ABCG2: variants seen among roughly 807,000 people sequenced by gnomAD.
ABCG2 encodes ATP binding cassette subfamily G member 2 (JR blood group).
ABCG2 carries 80 observed loss-of-function variants against 73.5 expected under a neutral mutation model. That is an observed-to-expected ratio of 1.09 (90% CI 0.91 to 1.31). The LOEUF (loss-of-function observed/expected upper bound fraction) is 1.31, where lower values mean the gene tolerates loss of function less well. ABCG2 is among the 50% of genes most tolerant of loss of function. The pLI is 0.00. For synonymous variants in ABCG2, 269 were observed against 282.4 expected, an observed-to-expected ratio of 0.95 and a Z score of 0.48; for missense variants, 796 against 786.2, an observed-to-expected ratio of 1.01 and a Z score of -0.15.
chr4:88,174,373 A>C (rs1006729392), intron 1 of ABCG2, among the ~76,000 whole-genome samples: 11 of 151,944 alleles, frequency 7.2e-5, no homozygotes, highest in Non-Finnish European at 1.5e-4. Context: ...CCCTGTGTCC[A>C]TGTGTTCTCA....
intron 1 of ABCG2, among the ~76,000 whole-genome samples, chr4:88,206,153 T>C (rs1729368155): frequency 6.6e-6 from 1 of 152,176 alleles, no homozygotes; most frequent in Non-Finnish European, 1.5e-5. Flanking sequence ...CTAGTTCTTC[T>C]CCCAACTGAA....
intron 1 of ABCG2, among the ~76,000 whole-genome samples, chr4:88,173,671 C>T (rs986256925): frequency 6.6e-6 from 1 of 152,020 alleles, no homozygotes; most frequent in Admixed American, 6.6e-5. Flanking sequence ...GAAATTTTCT[C>T]AATAGCATGA....
In ABCG2 at chr4:88,097,537, A is replaced by G. The variant is rs1560650822; in HGVS notation, c.1563T>C (p.Ser521=). Residue 521 remains serine (S), a synonymous_variant, in exon 13 of 16, where the codon AGT becomes AGC. Coordinates refer to ENST00000237612, the MANE Select transcript of ABCG2 (RefSeq NM_004827.3). ...FTLMMVAYSA[S]SMALAIAAGQ... ...CTGCTGCTATGGCCAGTGCCATGGA[A>G]CTGGCTGAATAAGCCACCATCATAA... is the stretch of plus-strand genomic sequence containing the variant. The G allele has an allele frequency of 6.2e-7, 1 of 1,614,212 alleles. No individual in the cohort carries two copies.
chr4:88,217,045 T>A (rs1030994651), intron 1 of ABCG2, among the ~76,000 whole-genome samples: 6 of 148,964 alleles, frequency 4.0e-5, no homozygotes, highest in East Asian at 2.0e-4. Context: ...AAAAAAAAAA[T>A]TTTTTTTTTA....
intron 1 of ABCG2, among the ~76,000 whole-genome samples, chr4:88,167,370 C>CTTTTTTTTT: frequency 9.9e-6 from 1 of 101,466 alleles, no homozygotes; most frequent in Non-Finnish European, 1.9e-5. Context: ...TCCCTTCTGC[C>CTTTTTTTTT]TTTTTTTTTT....
intron 1 of ABCG2, among the ~76,000 whole-genome samples, chr4:88,166,688 G>A (rs1265076894): frequency 6.6e-6 from 1 of 152,200 alleles, no homozygotes; most frequent in Admixed American, 6.5e-5. Context: ...TCACAAAGAT[G>A]TGAAGGTAAA....
intron 8 of ABCG2, among the ~76,000 whole-genome samples, chr4:88,114,397 C>T (rs554859532): frequency 4.6e-5 from 7 of 152,154 alleles, no homozygotes; most frequent in African/African-American, 9.6e-5. Flanking sequence ...GAGGCCAAGG[C>T]GGGAGGATCA....
chr4:88,196,661 C>G (rs1410174424), intron 1 of ABCG2, among the ~76,000 whole-genome samples: 1 of 151,826 alleles, frequency 6.6e-6, no homozygotes, highest in Non-Finnish European at 1.5e-5. Flanking sequence ...TCAATTTCTT[C>G]TGATTCATAA....
At chr4:88,148,997 T>C (rs1726251286) in intron 1 of ABCG2, among the ~76,000 whole-genome samples, 1 of 152,198 alleles carries the variant, frequency 6.6e-6, no homozygotes, top group Admixed American at 6.5e-5. Context: ...GGCTACTGTT[T>C]TTTCATTTAC....
At chr4:88,211,312 G>A (rs1729579794) in intron 1 of ABCG2, among the ~76,000 whole-genome samples, 1 of 137,794 alleles carries the variant, frequency 7.3e-6, no homozygotes, top group Non-Finnish European at 1.5e-5. Flanking sequence ...TGTACCCAAT[G>A]TCCAAATAGT....
At chr4:88,129,482 G>A (rs1393432740) in intron 5 of ABCG2, among the ~76,000 whole-genome samples, 2 of 152,060 alleles carry the variant, frequency 1.3e-5, no homozygotes, top group African/African-American at 4.8e-5. Context: ...GCAACATAGG[G>A]CAATGGCTGC....
At chr4:88,135,562 C>T (rs1725187643) in intron 2 of ABCG2, among the ~76,000 whole-genome samples, 1 of 151,164 alleles carries the variant, frequency 6.6e-6, no homozygotes, top group Non-Finnish European at 1.5e-5. Context: ...TCACCACGCC[C>T]GGGCCCTCCA....
chr4:88,135,500 A>C (rs1725176670), intron 2 of ABCG2, among the ~76,000 whole-genome samples: 1 of 151,560 alleles, frequency 6.6e-6, no homozygotes, highest in African/African-American at 2.4e-5. Flanking sequence ...GTCAATGCTC[A>C]CCTCCCTCCC....
intron 1 of ABCG2, among the ~76,000 whole-genome samples, chr4:88,229,209 A>G (rs1369712067): frequency 6.6e-6 from 1 of 152,184 alleles, no homozygotes; most frequent in Admixed American, 6.5e-5. Context: ...GAGACCAAGA[A>G]CCCACCGGAA....
intron 1 of ABCG2, among the ~76,000 whole-genome samples, chr4:88,155,076 T>TG (rs1156496076): frequency 2.6e-5 from 4 of 151,192 alleles, no homozygotes; most frequent in Non-Finnish European, 4.4e-5. Context: ...AGAGCTAGGG[T>TG]GGGGGGCAGT....
Position 88,229,779 on chromosome 4 carries a change from G to A in ABCG2, c.-20+1215C>T, listed in dbSNP as rs149251214. Among the ~76,000 whole-genome samples the A allele has an allele frequency of 2.6e-5, 4 of 151,996 alleles. No individual in the cohort carries two copies. In the East Asian group the frequency reaches 7.7e-4, roughly 29 times the overall value. On this transcript the variant is annotated intron_variant, in intron 1 of 15. Transcript: ENST00000515655. ...TTGGCTTGTTTCTTTTGGGTTAAAT[G>A]CAACTTTCAGATAACTGTAAATTGT...
At chr4:88,158,092 C>T (rs944470369) in intron 1 of ABCG2, among the ~76,000 whole-genome samples, 5 of 152,174 alleles carry the variant, frequency 3.3e-5, no homozygotes, top group African/African-American at 7.2e-5. Context: ...TTTTATCCTT[C>T]CAATATCAAC....
chr4:88,186,133 T>G (rs545460504), intron 1 of ABCG2, among the ~76,000 whole-genome samples: 1 of 152,120 alleles, frequency 6.6e-6, no homozygotes, highest in Non-Finnish European at 1.5e-5. Flanking sequence ...AGCAGATGAA[T>G]GGATAAAGAA....
At chr4:88,125,479 A>G (rs1166578107) in intron 5 of ABCG2, among the ~76,000 whole-genome samples, 2 of 150,580 alleles carry the variant, frequency 1.3e-5, no homozygotes, top group Non-Finnish European at 3.0e-5. Context: ...TAAGTGGTGG[A>G]AGCCTGTAGT....
Sources: allele counts gnomAD v4.1 joint callset (sites outside exome capture counted in the v4.1 genomes callset), GRCh38; gene constraint gnomAD v4.1.1; transcripts MANE v1.5; gene names NCBI Gene and HGNC (gene_info 2026-07-23, HGNC 2026-07-21).